Variants in USP9X observed in about 807,000 individuals in gnomAD.
USP9X encodes the protein ubiquitin specific peptidase 9 X-linked, also known as ubiquitin carboxyl-terminal hydrolase 9X.
USP9X carries 7 observed loss-of-function variants against 190.3 expected under a neutral mutation model. The observed-to-expected ratio is 0.04, with a 90% CI of 0.02 to 0.07. USP9X has a LOEUF of 0.07. USP9X is among the 10% of genes least tolerant of loss of function. The pLI is 1.00. For synonymous variants in USP9X, 645 were observed against 659.5 expected (o/e 0.98, Z 0.34); for missense variants, 1,010 against 1,916.9 (o/e 0.53, Z 8.83).
intron 1 of USP9X, among the ~76,000 whole-genome samples, chrX:41,103,284 A>G (rs2062047551): frequency 8.9e-6 from 1 of 112,621 alleles, no homozygotes; most frequent in African/African-American, 3.2e-5. Flanking sequence ...GGAGTTAAGA[A>G]AGGTGTTTTC....
chrX:41,096,199 C>T (rs895888473), intron 1 of USP9X, among the ~76,000 whole-genome samples: 1 of 112,530 alleles, frequency 8.9e-6, no homozygotes, highest in Non-Finnish European at 1.9e-5. Context: ...CATCTTCCCC[C>T]CCGCTCCCCG....
At position 41,125,702 on chromosome X, in the gene USP9X, T is replaced by TCTCTCC. The variant is rs2062239310; in HGVS notation, c.96+1983_96+1984insCCTCTC. 6.1e-5 allele frequency among the ~76,000 whole-genome samples: 6 copies of TCTCTCC among 97,824 alleles called. No homozygotes were observed. In the South Asian group the frequency reaches 2.8e-3, roughly 46 times the overall value. The allele number at this position is 97,824 out of a possible 115,157, so 84.9% of individuals were successfully genotyped here. A position where few individuals can be genotyped will look rare whatever the true frequency, so the allele number is the denominator to read the frequency against. On this transcript the variant is annotated intron_variant, in intron 2 of 44. Transcript: ENST00000378308. ...CACACACACTCTCTCTCTCTCTCTCTCTCTCTCTCTCTCTCTCGCGCACGC... is the reference window on the plus strand; with the variant it reads ...CACACACACTCTCTCTCTCTCTCTCTCTCTCCCTCTCTCTCTCTCTCTCGCGCACGC...
At chrX:41,093,027 C>T (rs1298780022) in intron 1 of USP9X, among the ~76,000 whole-genome samples, 1 of 111,409 alleles carries the variant, frequency 9.0e-6, no homozygotes, top group Admixed American at 9.5e-5. Flanking sequence ...CCGACATCAC[C>T]TCACCTGGTT....
intron 28 of USP9X, 30 bp from the exon 29 acceptor site, chrX:41,197,334 C>CCG: frequency 3.6e-6 from 1 of 275,761 alleles, no homozygotes; most frequent in Non-Finnish European, 5.6e-6. Context: ...GATTTCTTCC[C>CCG]CCCCCCACCC....
At chrX:41,154,344 C>G (rs1265894240) in intron 14 of USP9X, among the ~76,000 whole-genome samples, 1 of 111,478 alleles carries the variant, frequency 9.0e-6, no homozygotes, top group Non-Finnish European at 1.9e-5. Context: ...TGTAGTATAC[C>G]CAAGCATTTG....
At chrX:41,194,516 T>C (rs1214536699) in intron 26 of USP9X, among the ~76,000 whole-genome samples, 1 of 110,954 alleles carries the variant, frequency 9.0e-6, no homozygotes, top group Non-Finnish European at 1.9e-5. Flanking sequence ...ATGTTGCCAT[T>C]GCACACCAGC....
intron 32 of USP9X, among the ~76,000 whole-genome samples, chrX:41,206,667 C>G (rs2063099320): frequency 9.0e-6 from 1 of 111,203 alleles, no homozygotes; most frequent in South Asian, 3.7e-4. Flanking sequence ...AATGGATAGG[C>G]AACGCTACTT....
At chrX:41,207,659 G>GT (rs2063115969) in intron 32 of USP9X, among the ~76,000 whole-genome samples, 1 of 111,423 alleles carries the variant, frequency 9.0e-6, no homozygotes, top group African/African-American at 3.3e-5. Context: ...GGTTTGGTTT[G>GT]TTTTGTTTTG....
chrX:41,107,423 T>C (rs753695531), intron 1 of USP9X, among the ~76,000 whole-genome samples: 35 of 112,293 alleles, frequency 3.1e-4, no homozygotes, highest in Non-Finnish European at 6.2e-4. Context: ...GATGATCCTT[T>C]GTATGTGGTG....
At chrX:41,165,734 G>T (rs2147113136) in intron 15 of USP9X, 138 bp from the exon 16 acceptor site, 1 of 533,808 alleles carries the variant, frequency 1.9e-6, no homozygotes, top group Non-Finnish European at 2.9e-6. Flanking sequence ...AGAGAAATAG[G>T]TTATTTTGAA....
intron 3 of USP9X, among the ~76,000 whole-genome samples, chrX:41,130,473 C>CT (rs1274142843): frequency 0.038 from 3,419 of 91,170 alleles, 149 homozygotes; most frequent in African/African-American, 0.13. Flanking sequence ...TTCTTTTTTT[C>CT]TTTTTTTTTT....
Position 41,215,929 on chromosome X carries a change from A to C in USP9X, c.5362A>C (p.Lys1788Gln). 8.3e-7 allele frequency: 1 copy of C among 1,211,320 alleles called. No individual in the cohort carries two copies. Among genetic ancestry groups the C allele is most frequent in the Non-Finnish European group, 1.1e-6 (1 of 895,242 alleles). Residue 1788 changes from lysine (K) to glutamine (Q), a missense_variant, in exon 35 of 45, where the codon AAA becomes CAA. Around this residue, in one of 11 missense-constraint regions of USP9X, gnomAD observed 120 missense variants for 342.7 expected, o/e 0.35. Transcript: ENST00000378308. ...TACCGTAAAGCGCTTGCTGATTAAA[A>C]AATTACCTCCTGTTCTTGCTATACA... ...VDTVKRLLIKKLPPVLAIQLK... is the reference protein window; with the variant it reads ...VDTVKRLLIKQLPPVLAIQLK...
chrX:41,222,543 A>G (rs2063273384), intron 38 of USP9X, among the ~76,000 whole-genome samples: 1 of 111,844 alleles, frequency 8.9e-6, no homozygotes, highest in African/African-American at 3.2e-5. Flanking sequence ...TTCTCATTTA[A>G]TGTAGTTATT....
rs769127237 is a variant in USP9X at position 41,233,458 on chromosome X, A to G, written c.*934A>G. 1 of 112,662 alleles carries G rather than the reference A, an allele frequency of 8.9e-6. No homozygotes were observed. The highest frequency in any genetic ancestry group is 3.2e-5 in the African/African-American group (1 of 31,054). The allele number at this position is 112,662 out of a possible 1,213,427, so 9.3% of individuals were successfully genotyped here. A position where few individuals can be genotyped will look rare whatever the true frequency, so the allele number is the denominator to read the frequency against. ...TAAAACAAATATGCAAAAATTTGCT[A>G]TGCCAAGATGCTGGAGCATAATATA... On this transcript the variant is annotated 3_prime_UTR_variant, in exon 45 of 45. Transcript: ENST00000378308.
chrX:41,184,084 C>T lies in USP9X; in HGVS notation c.3235C>T (p.Leu1079Phe). ...CAGCCTTAGTCCATCTCTTGACTCA[C>T]TTTTCTTTGGTCCTTCAGCCTCACA... ...ESSLSPSLDS[L>F]FFGPSASQVL... Residue 1079 changes from leucine (L) to phenylalanine (F), a missense_variant, in exon 22 of 45, where the codon CTT (leucine) becomes TTT (phenylalanine). Physicochemically the swap from Leu to Phe is conservative, Grantham distance 22 (BLOSUM62 0). Transcript: ENST00000378308. 8.3e-7 allele frequency: 1 copy of T among 1,210,499 alleles called. No individual in the cohort carries two copies. The highest frequency in any genetic ancestry group is 1.8e-5 in the South Asian group (1 of 56,773).
Position 41,232,686 on chromosome X carries a change from A to G in USP9X, c.*162A>G, listed in dbSNP as rs1299980445. ...TTATCTGCAGAAATTTGCTGTCAAT[A>G]TATAACCCGCCTGCAGTGGAAAGTG... On this transcript the variant is annotated 3_prime_UTR_variant, in exon 45 of 45. Coordinates refer to ENST00000378308, the MANE Select transcript of USP9X (RefSeq NM_001039591.3). 3.0e-6 allele frequency: 2 copies of G among 659,993 alleles called. No individual in the cohort carries two copies. Among genetic ancestry groups the G allele is most frequent in the African/African-American group, 2.2e-5 (1 of 44,719 alleles). 54.4% of individuals were successfully genotyped at this position (659,993 alleles called of 1,213,427 possible).
intron 32 of USP9X, among the ~76,000 whole-genome samples, chrX:41,206,526 C>G (rs2063098023): frequency 9.0e-6 from 1 of 110,862 alleles, no homozygotes; most frequent in South Asian, 3.7e-4. Flanking sequence ...TTCCCACAGT[C>G]TGAATTTTGT....
At chrX:41,175,683 C>T (rs942421251) in intron 21 of USP9X, among the ~76,000 whole-genome samples, 1 of 110,929 alleles carries the variant, frequency 9.0e-6, no homozygotes, top group African/African-American at 3.3e-5. Context: ...TCATTGCTAT[C>T]GATGTATTGT....
intron 28 of USP9X, among the ~76,000 whole-genome samples, chrX:41,197,102 A>G (rs1022913340): frequency 8.9e-6 from 1 of 112,430 alleles, no homozygotes; most frequent in African/African-American, 3.2e-5. Context: ...CTTTTTACTT[A>G]GGCAAAATGA....
Sources: gnomAD v4.1 joint callset for allele counts (sites outside exome capture counted in the v4.1 genomes callset) on GRCh38, gnomAD v4.1.1 for gene constraint, gnomAD v4.1.1 regional missense constraint, MANE v1.5 for transcripts, NCBI Gene and HGNC (gene_info 2026-07-23, HGNC 2026-07-21) for gene names.